USP33: variants seen among roughly 807,000 people sequenced by gnomAD.
USP33 encodes ubiquitin carboxyl-terminal hydrolase 33.
USP33 carries 46 observed loss-of-function variants against 124.2 expected under a neutral mutation model. The ratio of observed to expected loss-of-function variants is 0.37; its 90% confidence interval spans 0.29 to 0.47. The LOEUF (loss-of-function observed/expected upper bound fraction) is 0.47. Among genes scored for constraint, USP33 ranks in the 20% least tolerant of loss-of-function variants. The probability of loss-of-function intolerance (pLI) is 0.99; values close to 1 mark genes in which losing one functional copy is unlikely to be tolerated. For synonymous variants in USP33, 350 were observed against 352.3 expected, an observed-to-expected ratio of 0.99 and a Z score of 0.07; for missense variants, 851 against 1,070.6, an observed-to-expected ratio of 0.79 and a Z score of 2.86.
chr1:77,702,896 A>G (rs1484134708), intron 21 of USP33, among the ~76,000 whole-genome samples: 1 of 151,980 alleles, frequency 6.6e-6, no homozygotes, highest in African/African-American at 2.4e-5. Context: ...AATTAATCTA[A>G]TTGTAGTAGT....
intron 22 of USP33, 38 bp from the exon 23 acceptor site, chr1:77,697,969 A>C (rs781009417): frequency 6.4e-7 from 1 of 1,565,290 alleles, no homozygotes; most frequent in Non-Finnish European, 8.7e-7. Flanking sequence ...TTTCAAAGAA[A>C]TGTAACAAAA....
At chr1:77,751,385 G>A (rs1352800506) in intron 1 of USP33, among the ~76,000 whole-genome samples, 2 of 152,118 alleles carry the variant, frequency 1.3e-5, no homozygotes, top group Non-Finnish European at 2.9e-5. Flanking sequence ...GGGCATGGTG[G>A]CTCGCACCTG....
At chr1:77,726,968 T>C (rs72683687) in intron 10 of USP33, among the ~76,000 whole-genome samples, 7,955 of 152,268 alleles carry the variant, frequency 0.052, 269 homozygotes, top group Non-Finnish European at 0.071. Context: ...AAAAGAGAAT[T>C]GTTCGTAAGA....
In USP33 at chr1:77,728,540, T is replaced by A. The variant is rs747462964; in HGVS notation, c.890A>T (p.Asp297Val). 3 of 1,614,184 alleles carry A rather than the reference T, an allele frequency of 1.9e-6. No homozygotes were observed. Among genetic ancestry groups the A allele is most frequent in the South Asian group, 1.1e-5 (1 of 91,086 alleles). The change falls in exon 10 of 24, where the codon GAT becomes GTT. Residue 297 changes from aspartate to valine, a missense_variant. Around this residue, in one of 4 missense-constraint regions of USP33, gnomAD observed 207 missense variants for 200.9 expected, o/e 1.03. Coordinates refer to ENST00000370794, the MANE Select transcript of USP33 (RefSeq NM_201624.3). The stretch of plus-strand genomic sequence containing the variant: ...AGAGCCATTTTCATTTTCTGCTCTA[T>A]CACTGTTGCTACAAGATTCACAAGA... The part of the protein sequence containing the change: ...FQSCESCSNS[D>V]RAENENGSRC...
intron 1 of USP33, among the ~76,000 whole-genome samples, chr1:77,751,840 C>T (rs943124861): frequency 6.6e-6 from 1 of 151,892 alleles, no homozygotes; most frequent in Non-Finnish European, 1.5e-5. Flanking sequence ...AGGCACCCGC[C>T]ATCACACCCA....
chr1:77,756,133 G>A (rs1425574007), intron 1 of USP33, among the ~76,000 whole-genome samples: 4 of 151,916 alleles, frequency 2.6e-5, no homozygotes, highest in Non-Finnish European at 5.9e-5. Flanking sequence ...TTTGAAATGG[G>A]AGGCTCTCTA....
At chr1:77,732,619 C>G (rs1007992422) in intron 7 of USP33, among the ~76,000 whole-genome samples, 10 of 152,038 alleles carry the variant, frequency 6.6e-5, no homozygotes, top group African/African-American at 2.4e-4. Flanking sequence ...TCATTCAGCC[C>G]TATGATTACT....
intron 6 of USP33, 83 bp downstream of exon 6, chr1:77,735,973 A>G (rs1678397431): frequency 9.7e-7 from 1 of 1,035,374 alleles, no homozygotes; most frequent in Admixed American, 2.8e-5. Context: ...TTTTACCTCC[A>G]CATTTTGAAA....
At chr1:77,713,572 T>G in intron 19 of USP33, 1 of 254,188 alleles carries the variant, frequency 3.9e-6, no homozygotes, top group Non-Finnish European at 7.3e-6. Context: ...TTTTTTTTTT[T>G]TTTTTGTAGA....
chr1:77,732,414 T>C (rs966213999), intron 7 of USP33, among the ~76,000 whole-genome samples: 4 of 152,182 alleles, frequency 2.6e-5, no homozygotes, highest in African/African-American at 9.6e-5. Context: ...ATCATTATCA[T>C]AGTCTCCTAG....
chr1:77,734,375 T>A lies in USP33; in HGVS notation c.496A>T (p.Asn166Tyr). 6.3e-7 allele frequency: 1 copy of A among 1,598,684 alleles called. No homozygotes were observed. Among genetic ancestry groups the A allele is most frequent in the East Asian group, 2.2e-5 (1 of 44,570 alleles). Reference protein sequence around the residue: ...LKNIGNTCYMNAALQALSNCP... With the variant: ...LKNIGNTCYMYAALQALSNCP... ...TTAGAAAGAGCCTGCAAAGCTGCAT[T>A]CATGTAACAAGTATTTCCAATATTT... The change falls in exon 7 of 24, where the codon AAT becomes TAT. Residue 166 changes from asparagine (N) to tyrosine (Y), a missense_variant. Transcript: ENST00000370794.
intron 1 of USP33, among the ~76,000 whole-genome samples, chr1:77,752,469 T>A (rs1188358840): frequency 3.9e-5 from 6 of 152,304 alleles, no homozygotes; most frequent in Middle Eastern, 3.4e-3. Flanking sequence ...CAGGACATAG[T>A]TGGTAACCTA....
chr1:77,721,822 A>C lies in USP33; in HGVS notation c.1657+9T>G. On this transcript the variant is annotated intron_variant, in intron 14 of 23. Transcript: ENST00000370794. ...ACAAAAATTTAGCCATAGATATTAT[A>C]TTTCTTACCTTTTAGTTCATCTCTG... 1 of 1,600,406 alleles carries C rather than the reference A, an allele frequency of 6.2e-7. No homozygotes were observed. Among genetic ancestry groups the C allele is most frequent in the Non-Finnish European group, 8.5e-7 (1 of 1,176,100 alleles).
intron 1 of USP33, among the ~76,000 whole-genome samples, chr1:77,750,211 G>A (rs965793208): frequency 2.0e-5 from 3 of 152,060 alleles, no homozygotes; most frequent in Non-Finnish European, 1.5e-5. Flanking sequence ...CCAGCTACTC[G>A]GGAGGCTGAA....
At chr1:77,756,776 C>A (rs889025562) in intron 1 of USP33, among the ~76,000 whole-genome samples, 1 of 152,148 alleles carries the variant, frequency 6.6e-6, no homozygotes, top group Non-Finnish European at 1.5e-5. Flanking sequence ...AGCATCTCAC[C>A]TGCACCCATG....
chr1:77,725,151 T>C (rs1677016866), intron 11 of USP33, among the ~76,000 whole-genome samples: 1 of 152,166 alleles, frequency 6.6e-6, no homozygotes. Context: ...GCAAACCTGT[T>C]TCAAAAGACT....
intron 1 of USP33, among the ~76,000 whole-genome samples, chr1:77,742,343 C>T (rs1402818690): frequency 6.6e-6 from 1 of 152,166 alleles, no homozygotes; most frequent in Non-Finnish European, 1.5e-5. Context: ...GTCCTGTGCA[C>T]TGCAGGTTAT....
chr1:77,730,778 C>T (rs780209231), intron 7 of USP33, 47 bp from the exon 8 acceptor site: 2 of 1,264,262 alleles, frequency 1.6e-6, no homozygotes, highest in Non-Finnish European at 2.2e-6. Context: ...AAAGCTAATA[C>T]TGATTATTTC....
At position 77,729,970 on chromosome 1, in the gene USP33, TTTG is replaced by T; in HGVS notation, c.639-35_639-33del. 3 of 1,553,394 alleles carry T rather than the reference TTTG, an allele frequency of 1.9e-6. No individual in the cohort carries two copies. The South Asian group carries it at 3.6e-5, about 19-fold the overall frequency. On this transcript the variant is annotated intron_variant, in intron 8 of 23. Transcript: ENST00000370794. ...AAGAAAACATTTTTAAAGAGCAATT[TTTG>T]TTATTTTTAATTTTCATTTTAAAAA...
Sources: allele counts gnomAD v4.1 joint callset (sites outside exome capture counted in the v4.1 genomes callset), GRCh38; gene constraint gnomAD v4.1.1; regional missense constraint gnomAD v4.1.1; transcripts MANE v1.5; gene names NCBI Gene and HGNC (gene_info 2026-07-23, HGNC 2026-07-21).